The following TOR1B variants were observed in gnomAD, a reference collection of about 807,000 sequenced individuals.
TOR1B encodes torsin-1B.
TOR1B carries 14 observed loss-of-function variants against 29.2 expected under a neutral mutation model. The ratio of observed to expected loss-of-function variants is 0.48; its 90% CI spans 0.32 to 0.75. The LOEUF is 0.75. Ranked by LOEUF, TOR1B falls within the 30% of genes least tolerant of loss-of-function variation. The probability of loss-of-function intolerance (pLI) is 0.04; values close to 1 mark genes in which losing one functional copy is unlikely to be tolerated. For missense variants in TOR1B, 400 were observed against 433.9 expected, an observed-to-expected ratio of 0.92 and a Z score of 0.69; for synonymous variants, 166 against 179.8, an observed-to-expected ratio of 0.92 and a Z score of 0.62.
chr9:129,808,530 A>G (rs2030633348), intron 3 of TOR1B, among the ~76,000 whole-genome samples: 1 of 149,474 alleles, frequency 6.7e-6, no homozygotes, highest in Admixed American at 6.7e-5. Context: ...ATTTCTTGGT[A>G]AGACACAGAA....
Position 129,809,330 on chromosome 9 carries a change from C to A in TOR1B, c.770-12C>A. Reference sequence around the variant, plus strand: ...GTGGTGGCAGGAAACCCAGCTGTGTCTTGTTCTGCAGGTGGCCTGTGGCAC... The same window carrying A: ...GTGGTGGCAGGAAACCCAGCTGTGTATTGTTCTGCAGGTGGCCTGTGGCAC... On this transcript the variant is annotated splice_polypyrimidine_tract_variant and intron_variant, in intron 4 of 4. Transcript: ENST00000259339. 1 of 1,613,832 alleles carries A rather than the reference C, an allele frequency of 6.2e-7. No homozygotes were observed. The highest frequency in any genetic ancestry group is 8.5e-7 in the Non-Finnish European group (1 of 1,179,812).
chr9:129,804,443 C>A, intron 2 of TOR1B, 105 bp downstream of exon 2: 1 of 1,431,408 alleles, frequency 7.0e-7, no homozygotes, highest in South Asian at 1.3e-5. Context: ...GTTGCTGTAG[C>A]CCCCGGCTCC....
intron 1 of TOR1B, 75 bp from the exon 2 acceptor site, chr9:129,803,998 C>T (rs2130985314): frequency 6.3e-7 from 1 of 1,579,988 alleles, no homozygotes; most frequent in Non-Finnish European, 8.6e-7. Flanking sequence ...TTGCTTTGGC[C>T]AGCTAAGAAA....
At position 129,810,289 on chromosome 9, in the gene TOR1B, C is replaced by T. The variant is rs936286745; in HGVS notation, c.*706C>T. 1.5e-5 allele frequency: 19 copies of T among 1,295,590 alleles called. 1 individual carries two copies. Among genetic ancestry groups the T allele is most frequent in the South Asian group, 3.7e-5 (3 of 80,816 alleles). The allele number at this position is 1,295,590 out of a possible 1,614,324, so 80.3% of individuals were successfully genotyped here. A position where few individuals can be genotyped will look rare whatever the true frequency, so the allele number is the denominator to read the frequency against. Reference sequence around the variant, plus strand: ...GCTGGAGGTGCAGACGGTGTCTGACCGGAGGATGTGGCCGTGCCCGCCGAG... The same window carrying T: ...GCTGGAGGTGCAGACGGTGTCTGACTGGAGGATGTGGCCGTGCCCGCCGAG... On this transcript the variant is annotated 3_prime_UTR_variant, in exon 5 of 5. Coordinates refer to ENST00000259339, the MANE Select transcript of TOR1B (RefSeq NM_014506.3).
chr9:129,806,898 G>A (rs2030514274), intron 2 of TOR1B, among the ~76,000 whole-genome samples: 1 of 152,070 alleles, frequency 6.6e-6, no homozygotes, highest in African/African-American at 2.4e-5. Flanking sequence ...AGACAAAAAA[G>A]AGAAGAAAAG....
chr9:129,803,820 G>A (rs2030307900), intron 1 of TOR1B, among the ~76,000 whole-genome samples: 2 of 152,304 alleles, frequency 1.3e-5, no homozygotes, highest in South Asian at 4.1e-4. Context: ...GGATTAGCAA[G>A]CGCTCAGTCA....
In TOR1B at chr9:129,810,636, A is replaced by G. The variant is rs751555901; in HGVS notation, c.*1053A>G. On this transcript the variant is annotated 3_prime_UTR_variant, in exon 5 of 5. Coordinates refer to ENST00000259339, the MANE Select transcript of TOR1B (RefSeq NM_014506.3). ...TTGTTAAGACTTTATACTTGGGTCA[A>G]TCTCTCACTTTATTTTGTAGAACCA... 1.8e-4 allele frequency: 33 copies of G among 188,494 alleles called. No individual in the cohort carries two copies. The highest frequency in any genetic ancestry group is 3.3e-4 in the African/African-American group (14 of 42,884). 11.7% of individuals were successfully genotyped at this position (188,494 alleles called of 1,614,324 possible).
chr9:129,803,450 G>A (rs2030284894), intron 1 of TOR1B, 39 bp downstream of exon 1: 2 of 1,172,104 alleles, frequency 1.7e-6, no homozygotes, highest in Non-Finnish European at 2.1e-6. Flanking sequence ...GCGCTGCGGG[G>A]GGCGCGGGGG....
In TOR1B at chr9:129,809,380, A is replaced by T. The variant is rs1328668524; in HGVS notation, c.808A>T (p.Ile270Phe). ...CAGTGGACTGATCGACAAAAACCTCATTGATTACTTTATCCCCTTCCTGCC... is the reference window on the plus strand; with the variant it reads ...CAGTGGACTGATCGACAAAAACCTCTTTGATTACTTTATCCCCTTCCTGCC... ...WHSGLIDKNL[I>F]DYFIPFLPLE... The change falls in exon 5 of 5, where the codon ATT becomes TTT. Residue 270 changes from isoleucine to phenylalanine, a missense_variant. Transcript: ENST00000259339. 6.2e-7 allele frequency: 1 copy of T among 1,614,158 alleles called. No individual in the cohort carries two copies. The highest frequency in any genetic ancestry group is 1.1e-5 in the South Asian group (1 of 91,078).
Position 129,810,393 on chromosome 9 carries a change from G to C in TOR1B, c.*810G>C, listed in dbSNP as rs1208189220. ...ACCTAAGACCTCTGCAGCAGACCTGGACAGACAGGCCCCTCCCGCCTGTCC... is the reference window on the plus strand; with the variant it reads ...ACCTAAGACCTCTGCAGCAGACCTGCACAGACAGGCCCCTCCCGCCTGTCC... On this transcript the variant is annotated 3_prime_UTR_variant, in exon 5 of 5. Transcript: ENST00000259339. The C allele has an allele frequency of 8.1e-7, 1 of 1,229,086 alleles. No individual in the cohort carries two copies. Among genetic ancestry groups the C allele is most frequent in the African/African-American group, 1.6e-5 (1 of 64,046 alleles). The allele number at this position is 1,229,086 out of a possible 1,614,324, so 76.1% of individuals were successfully genotyped here.
intron 3 of TOR1B, among the ~76,000 whole-genome samples, chr9:129,808,123 G>C (rs2130992049): frequency 6.6e-6 from 1 of 152,290 alleles, no homozygotes; most frequent in South Asian, 2.1e-4. Flanking sequence ...CATTATCCCA[G>C]CTAGTTGTGA....
Position 129,810,345 on chromosome 9 carries a change from G to A in TOR1B, c.*762G>A. The stretch of plus-strand genomic sequence containing the variant: ...TTGATCTGAGCTGACCTGTGTGTGT[G>A]TGTGTGGGGGGGTGGGGCCTTCACC... On this transcript the variant is annotated 3_prime_UTR_variant, in exon 5 of 5. Transcript: ENST00000259339. 8.8e-7 allele frequency: 1 copy of A among 1,131,814 alleles called. No homozygotes were observed. The highest frequency in any genetic ancestry group is 1.1e-6 in the Non-Finnish European group (1 of 871,768). The allele number at this position is 1,131,814 out of a possible 1,614,324, so 70.1% of individuals were successfully genotyped here. A position where few individuals can be genotyped will look rare whatever the true frequency, so the allele number is the denominator to read the frequency against.
Position 129,805,152 on chromosome 9 carries a change from AAAAG to A in TOR1B, c.465+816_465+819del, listed in dbSNP as rs1429574184. On this transcript the variant is annotated intron_variant, in intron 2 of 4. Transcript: ENST00000259339. Reference sequence around the variant, plus strand: ...GACTCTGTCTCAGAAAAAAAAAAAAAAAAGAGAGATGTAGTCAGGGCCAGGTGCA... The same window carrying A: ...GACTCTGTCTCAGAAAAAAAAAAAAAAGAGATGTAGTCAGGGCCAGGTGCA... Among the ~76,000 whole-genome samples, 140 of 149,784 alleles carry A rather than the reference AAAAG, an allele frequency of 9.3e-4. 3 individuals carry two copies. Among genetic ancestry groups the A allele is most frequent in the Middle Eastern group, 7.0e-3 (2 of 286 alleles).
chr9:129,810,042 T>C lies in TOR1B; in HGVS notation c.*459T>C, dbSNP rs1378340686. 2 of 1,227,850 alleles carry C rather than the reference T, an allele frequency of 1.6e-6. No homozygotes were observed. The highest frequency in any genetic ancestry group is 2.1e-6 in the Non-Finnish European group (2 of 947,956). The allele number at this position is 1,227,850 out of a possible 1,614,324, so 76.1% of individuals were successfully genotyped here. A position where few individuals can be genotyped will look rare whatever the true frequency, so the allele number is the denominator to read the frequency against. On this transcript the variant is annotated 3_prime_UTR_variant, in exon 5 of 5. Coordinates refer to ENST00000259339, the MANE Select transcript of TOR1B (RefSeq NM_014506.3). ...AGAAGTACCTGAAAACAGCTGTGCA[T>C]GGCAGGCCCGGCAATAGCTTCTGAC...
rs2030829069 is a variant in TOR1B at position 129,810,931 on chromosome 9, C to G, written c.*1348C>G. On this transcript the variant is annotated 3_prime_UTR_variant, in exon 5 of 5. Coordinates refer to ENST00000259339, the MANE Select transcript of TOR1B (RefSeq NM_014506.3). ...CCTAGGTGTGACCTGATACCACCAC[C>G]CTTTGTGGCAGCACCGGGCTGGACT... is the stretch of plus-strand genomic sequence containing the variant. 1 of 152,266 alleles carries G rather than the reference C, an allele frequency of 6.6e-6. No homozygotes were observed. The highest frequency in any genetic ancestry group is 1.9e-4 in the East Asian group (1 of 5,188). The allele number at this position is 152,266 out of a possible 1,614,324, so 9.4% of individuals were successfully genotyped here. A position where few individuals can be genotyped will look rare whatever the true frequency, so the allele number is the denominator to read the frequency against.
chr9:129,809,443 G>C lies in TOR1B; in HGVS notation c.871G>C (p.Glu291Gln). ...ACATGTGAAAATGTGTGTGAGGGCC[G>C]AGATGAGGGCCCGTGGTTCTGCCAT... ...YRHVKMCVRA[E>Q]MRARGSAIDE... Residue 291 changes from glutamate (E) to glutamine (Q), a missense_variant, in exon 5 of 5, where the codon GAG becomes CAG. By Grantham distance (29) the Glu-to-Gln change is conservative. Coordinates refer to ENST00000259339, the MANE Select transcript of TOR1B (RefSeq NM_014506.3). 6.2e-7 allele frequency: 1 copy of C among 1,614,202 alleles called. No individual in the cohort carries two copies. The highest frequency in any genetic ancestry group is 8.5e-7 in the Non-Finnish European group (1 of 1,180,030).
At chr9:129,808,374 C>T (rs1278219461) in intron 3 of TOR1B, among the ~76,000 whole-genome samples, 1 of 151,678 alleles carries the variant, frequency 6.6e-6, no homozygotes, top group Non-Finnish European at 1.5e-5. Flanking sequence ...TGGCAGGCGC[C>T]TGTAATCCCA....
intron 3 of TOR1B, among the ~76,000 whole-genome samples, chr9:129,808,024 A>G (rs2030606203): frequency 2.0e-5 from 3 of 151,586 alleles, no homozygotes; most frequent in African/African-American, 2.4e-5. Context: ...GTGACAATCA[A>G]GACCCCGACC....
At chr9:129,804,374 G>T in intron 2 of TOR1B, 36 bp downstream of exon 2, 1 of 1,601,568 alleles carries the variant, frequency 6.2e-7, no homozygotes, top group Non-Finnish European at 8.5e-7. Context: ...CTGCAGGCCA[G>T]TCGGACTGGT....
Sources: allele counts gnomAD v4.1 joint callset (sites outside exome capture counted in the v4.1 genomes callset), GRCh38; gene constraint gnomAD v4.1.1; transcripts MANE v1.5; gene names NCBI Gene and HGNC (gene_info 2026-07-23, HGNC 2026-07-21).